The following UBE4B variants were observed in gnomAD, a reference collection of about 807,000 sequenced individuals.
UBE4B encodes the protein ubiquitin conjugation factor E4 B.
A neutral mutation model predicts 148.1 loss-of-function variants in UBE4B; 27 were observed. That is an observed-to-expected ratio of 0.18 (90% CI 0.13 to 0.25). The LOEUF (loss-of-function observed/expected upper bound fraction) is 0.25. Ranked by LOEUF, UBE4B falls within the 10% of genes least tolerant of loss-of-function variation. The pLI, the probability that UBE4B is intolerant of heterozygous loss-of-function variation, is 1.00. For synonymous variants in UBE4B, 596 were observed against 619.3 expected (o/e 0.96, Z 0.56); for missense variants, 1,170 against 1,662.4 (o/e 0.70, Z 5.15).
intron 25 of UBE4B, among the ~76,000 whole-genome samples, chr1:10,176,730 A>T: frequency 7.1e-6 from 1 of 140,938 alleles, no homozygotes; most frequent in East Asian, 2.2e-4. Context: ...CCATTTTTTA[A>T]TTGGGTTGTT....
At chr1:10,068,853 G>T (rs77892776) in intron 1 of UBE4B, among the ~76,000 whole-genome samples, 2,620 of 152,320 alleles carry the variant, frequency 0.017, 33 homozygotes, top group Non-Finnish European at 0.027. Flanking sequence ...CCTCTACTGA[G>T]AGCCCTGCTG....
rs765367588 is a variant in UBE4B at position 10,105,522 on chromosome 1, C to T, written c.587C>T (p.Ser196Phe). The T allele has an allele frequency of 7.4e-6, 12 of 1,613,996 alleles. No individual in the cohort carries two copies. The highest frequency in any genetic ancestry group is 1.6e-4 in the Middle Eastern group (1 of 6,082). The change falls in exon 6 of 28, where the codon TCC becomes TTC. Residue 196 changes from serine to phenylalanine, a missense_variant. By Grantham distance (155) the Ser-to-Phe change is radical. This residue lies in a region of UBE4B where 91 missense variants were observed against 120.5 expected (regional missense o/e 0.76). Coordinates refer to ENST00000343090, the MANE Select transcript of UBE4B (RefSeq NM_001105562.3). ...TGTTCTGCCTTTCCAACAGTATTCT[C>T]CGATTTTAAGGACTTGATTGGCCAG... Reference protein sequence around the residue: ...QFKQNPKEVFSDFKDLIGQIL... With the variant: ...QFKQNPKEVFFDFKDLIGQIL...
intron 7 of UBE4B, among the ~76,000 whole-genome samples, chr1:10,112,758 A>C (rs1645243179): frequency 6.6e-6 from 1 of 152,190 alleles, no homozygotes; most frequent in Non-Finnish European, 1.5e-5. Flanking sequence ...TACCTCTTTC[A>C]GTTTGAATCT....
At chr1:10,124,339 T>C (rs965162491) in intron 10 of UBE4B, among the ~76,000 whole-genome samples, 2 of 152,232 alleles carry the variant, frequency 1.3e-5, no homozygotes, top group South Asian at 4.2e-4. Context: ...TTTTTGTATT[T>C]TTAGTAGAGA....
chr1:10,137,006 C>T, intron 16 of UBE4B, 61 bp from the exon 17 acceptor site: 2 of 1,567,924 alleles, frequency 1.3e-6, no homozygotes, highest in Admixed American at 1.7e-5. Flanking sequence ...CTGAATTCAG[C>T]TTTTTCTCTG....
At chr1:10,107,081 T>A in intron 7 of UBE4B, 1 of 642,692 alleles carries the variant, frequency 1.6e-6, no homozygotes, top group Non-Finnish European at 2.3e-6. Context: ...TTTCTATAAT[T>A]TAGGTGAATT....
At chr1:10,089,489 G>T (rs1644813820) in intron 2 of UBE4B, among the ~76,000 whole-genome samples, 2 of 149,124 alleles carry the variant, frequency 1.3e-5, no homozygotes, top group African/African-American at 2.5e-5. Flanking sequence ...AGGTATCACT[G>T]AGAACATGTC....
chr1:10,129,413 A>G lies in UBE4B; in HGVS notation c.1660A>G (p.Thr554Ala). Residue 554 changes from threonine to alanine, a missense_variant, in exon 12 of 28, where the codon ACC becomes GCC. By Grantham distance (58) the Thr-to-Ala change is moderately conservative. This residue lies in a region of UBE4B where 388 missense variants were observed against 536.0 expected (regional missense o/e 0.72). Coordinates refer to ENST00000343090, the MANE Select transcript of UBE4B (RefSeq NM_001105562.3). ...PLMALGELCETKFGKTHPVCN... is the reference protein window; with the variant it reads ...PLMALGELCEAKFGKTHPVCN... Reference sequence around the variant, plus strand: ...CTAGGCACTAGGTGAGCTCTGTGAAACCAAGTTTGGGAAGACACACCCTGT... The same window carrying G: ...CTAGGCACTAGGTGAGCTCTGTGAAGCCAAGTTTGGGAAGACACACCCTGT... The G allele has an allele frequency of 6.2e-7, 1 of 1,612,568 alleles. No individual in the cohort carries two copies. Among genetic ancestry groups the G allele is most frequent in the African/African-American group, 1.3e-5 (1 of 75,026 alleles).
chr1:10,137,759 G>A (rs963649125), intron 17 of UBE4B, among the ~76,000 whole-genome samples: 2 of 152,042 alleles, frequency 1.3e-5, no homozygotes, highest in South Asian at 2.1e-4. Context: ...CCAACAAACA[G>A]AAGTCACAGG....
intron 1 of UBE4B, among the ~76,000 whole-genome samples, chr1:10,042,313 C>T (rs1010503205): frequency 6.6e-6 from 1 of 152,154 alleles, no homozygotes; most frequent in South Asian, 2.1e-4. Context: ...AACAGACAAA[C>T]GTTGCTGTAT....
At chr1:10,099,813 C>T (rs1267565440) in intron 3 of UBE4B, among the ~76,000 whole-genome samples, 1 of 151,976 alleles carries the variant, frequency 6.6e-6, no homozygotes, top group Non-Finnish European at 1.5e-5. Context: ...TAGACCCACT[C>T]GTTAATGAAA....
chr1:10,179,362 T>TG, intron 26 of UBE4B, 54 bp from the exon 27 acceptor site: 1 of 1,581,744 alleles, frequency 6.3e-7, no homozygotes, highest in Non-Finnish European at 8.6e-7. Context: ...TTTGTTTTCT[T>TG]TTTCAGTCGT....
intron 1 of UBE4B, 112 bp downstream of exon 1, chr1:10,033,806 AGAT>A (rs1261472225): frequency 6.8e-6 from 8 of 1,172,824 alleles, no homozygotes; most frequent in Admixed American, 3.0e-5. Flanking sequence ...GAAGGAACGG[AGAT>A]GATATTTTCC....
intron 1 of UBE4B, among the ~76,000 whole-genome samples, chr1:10,034,008 T>G (rs1643405759): frequency 6.6e-6 from 1 of 152,184 alleles, no homozygotes; most frequent in South Asian, 2.1e-4. Flanking sequence ...GAGATTTACA[T>G]GAAGTTAAAG....
chr1:10,043,150 C>T (rs1187102898), intron 1 of UBE4B, among the ~76,000 whole-genome samples: 2 of 151,752 alleles, frequency 1.3e-5, no homozygotes, highest in African/African-American at 4.8e-5. Context: ...GCTGGGATTA[C>T]AGGCATGCAC....
chr1:10,145,174 A>AC, intron 18 of UBE4B, 135 bp downstream of exon 18: 5 of 616,946 alleles, frequency 8.1e-6, no homozygotes, highest in Non-Finnish European at 1.4e-5. Context: ...ATAAAATAGT[A>AC]TATTTTAAAA....
intron 21 of UBE4B, among the ~76,000 whole-genome samples, chr1:10,155,701 C>G (rs1232803836): frequency 6.6e-6 from 1 of 152,224 alleles, no homozygotes; most frequent in Non-Finnish European, 1.5e-5. Context: ...CCTCTTAACA[C>G]CACAGAGATA....
chr1:10,102,925 C>A, intron 4 of UBE4B, 23 bp from the exon 5 acceptor site: 1 of 1,587,110 alleles, frequency 6.3e-7, no homozygotes, highest in Non-Finnish European at 8.6e-7. Flanking sequence ...TGAAATTAAC[C>A]TGCAAATCTT....
At chr1:10,169,042 CG>C (rs1482585773) in intron 24 of UBE4B, among the ~76,000 whole-genome samples, 3 of 152,118 alleles carry the variant, frequency 2.0e-5, no homozygotes, top group Non-Finnish European at 2.9e-5. Flanking sequence ...TAATGGGAGC[CG>C]GCCATCACTA....
Sources: gnomAD v4.1 joint callset for allele counts (sites outside exome capture counted in the v4.1 genomes callset) on GRCh38, gnomAD v4.1.1 for gene constraint, gnomAD v4.1.1 regional missense constraint, MANE v1.5 for transcripts, NCBI Gene and HGNC (gene_info 2026-07-23, HGNC 2026-07-21) for gene names.